CSMD1: variants seen among roughly 807,000 people sequenced by gnomAD.
CSMD1 encodes the protein CUB and sushi domain-containing protein 1.
In CSMD1, 213 loss-of-function variants were observed where a neutral mutation model predicts 417.5. The observed-to-expected ratio is 0.51, with a 90% confidence interval of 0.46 to 0.57. The LOEUF (loss-of-function observed/expected upper bound fraction) is 0.57, where lower values mean the gene tolerates loss of function less well. CSMD1 is among the 20% of genes least tolerant of loss of function. The pLI is 0.00. For synonymous variants in CSMD1, 2,862 were observed against 1,736.8 expected, an observed-to-expected ratio of 1.65 and a Z score of -16.11; for missense variants, 6,923 against 4,529.7, an observed-to-expected ratio of 1.53 and a Z score of -15.17.
intron 18 of CSMD1, among the ~76,000 whole-genome samples, chr8:3,384,565 A>C (rs1369948228): frequency 6.7e-6 from 1 of 150,078 alleles, no homozygotes; most frequent in African/African-American, 2.4e-5. Context: ...ATTCTCAAAA[A>C]TATATTTCGT....
intron 21 of CSMD1, 75 bp from the exon 22 acceptor site, chr8:3,348,236 A>T (rs1189601098): frequency 1.7e-5 from 18 of 1,056,822 alleles, no homozygotes; most frequent in Non-Finnish European, 2.5e-5. Flanking sequence ...AAAACTTTAA[A>T]ATCATGATAG....
At chr8:4,773,626 C>G (rs1186628465) in intron 1 of CSMD1, among the ~76,000 whole-genome samples, 1 of 152,168 alleles carries the variant, frequency 6.6e-6, no homozygotes, top group Non-Finnish European at 1.5e-5. Flanking sequence ...TTTGTCATCT[C>G]CTTTTGGGTT....
chr8:3,595,840 G>A (rs533797160), intron 8 of CSMD1, among the ~76,000 whole-genome samples: 1 of 152,212 alleles, frequency 6.6e-6, no homozygotes, highest in Non-Finnish European at 1.5e-5. Flanking sequence ...AAAGGCAAAA[G>A]CTGTTTGCAC....
intron 1 of CSMD1, among the ~76,000 whole-genome samples, chr8:4,758,465 G>C (rs1451716205): frequency 6.6e-6 from 1 of 152,146 alleles, no homozygotes; most frequent in Non-Finnish European, 1.5e-5. Flanking sequence ...AGCAAGGAAG[G>C]AGCTCAGAAA....
At chr8:4,661,325 T>G (rs1317239897) in intron 1 of CSMD1, among the ~76,000 whole-genome samples, 1 of 152,196 alleles carries the variant, frequency 6.6e-6, no homozygotes, top group African/African-American at 2.4e-5. Context: ...GACTGCTGAC[T>G]GATACATGCC....
intron 9 of CSMD1, among the ~76,000 whole-genome samples, chr8:3,584,921 G>C (rs1800533413): frequency 6.6e-6 from 1 of 152,128 alleles, no homozygotes; most frequent in South Asian, 2.1e-4. Flanking sequence ...AGGGTCTTAT[G>C]TTAGAATTGA....
At chr8:3,915,094 A>T (rs921232943) in intron 5 of CSMD1, among the ~76,000 whole-genome samples, 1 of 152,102 alleles carries the variant, frequency 6.6e-6, no homozygotes, top group African/African-American at 2.4e-5. Flanking sequence ...GAAAAGCCCT[A>T]ATAATGAAGA....
chr8:4,350,720 C>G (rs138622943), intron 3 of CSMD1, among the ~76,000 whole-genome samples: 4 of 152,160 alleles, frequency 2.6e-5, no homozygotes, highest in Admixed American at 6.5e-5. Context: ...TCCTGCTGAC[C>G]AAAAGTCACA....
intron 5 of CSMD1, among the ~76,000 whole-genome samples, chr8:3,962,340 G>A (rs557622027): frequency 5.9e-5 from 9 of 152,096 alleles, no homozygotes; most frequent in Admixed American, 2.6e-4. Flanking sequence ...GCAGGATTAA[G>A]ATCCCAAGTA....
chr8:4,527,862 T>G (rs1796600439), intron 2 of CSMD1, among the ~76,000 whole-genome samples: 1 of 152,172 alleles, frequency 6.6e-6, no homozygotes. Context: ...GAATGACGTC[T>G]TAGTTCTATG....
chr8:4,468,836 A>C (rs180760784), intron 2 of CSMD1, among the ~76,000 whole-genome samples: 57 of 152,276 alleles, frequency 3.7e-4, no homozygotes, highest in African/African-American at 1.3e-3. Context: ...CCCAAACAGC[A>C]ATTGAATTAT....
rs368684088 is a variant in CSMD1, at chr8:4,031,975, G to T, written c.540C>A (p.His180Gln). ...SCLPGYILEG[H>Q]AILTCIVSPG... ...GGCTGACGATGCAGGTCAGGATGGC[G>T]TGGCCTTCCAAGATGTAGCCAGGGA... Residue 180 changes from histidine (H) to glutamine (Q), a missense_variant, in exon 4 of 70, where the codon CAC becomes CAA. His to Gln is a conservative substitution (Grantham distance 24). Transcript: ENST00000635120. The T allele has an allele frequency of 1.9e-6, 3 of 1,613,910 alleles. No individual in the cohort carries two copies. Among genetic ancestry groups the T allele is most frequent in the Admixed American group, 1.7e-5 (1 of 60,020 alleles).
chr8:3,029,494 A>G lies in CSMD1; in HGVS notation c.7680T>C (p.Ile2560=). Residue 2560 remains isoleucine, a synonymous_variant, in exon 51 of 70, where the codon ATT becomes ATC. Transcript: ENST00000635120. ...PTCKPVACPS[I]EAQLSEHVIW... ...TGACATGTTCTGAGAGCTGAGCTTC[A>G]ATGCTGGGGCAAGCGACCGCTGGAA... is the stretch of plus-strand genomic sequence containing the variant. The G allele has an allele frequency of 1.9e-6, 3 of 1,600,924 alleles. No homozygotes were observed. The highest frequency in any genetic ancestry group is 2.6e-6 in the Non-Finnish European group (3 of 1,173,614).
intron 21 of CSMD1, among the ~76,000 whole-genome samples, chr8:3,348,692 A>G (rs952307069): frequency 1.3e-5 from 2 of 152,242 alleles, no homozygotes; most frequent in Non-Finnish European, 2.9e-5. Flanking sequence ...CCTCAGCATT[A>G]TGTCTTATAA....
At chr8:4,480,235 G>A (rs904549144) in intron 2 of CSMD1, among the ~76,000 whole-genome samples, 1 of 151,006 alleles carries the variant, frequency 6.6e-6, no homozygotes, top group Admixed American at 6.6e-5. Flanking sequence ...ACTGCTGTAA[G>A]GAAAAAGCAG....
chr8:4,692,398 A>G (rs1806824137), intron 1 of CSMD1, among the ~76,000 whole-genome samples: 1 of 152,188 alleles, frequency 6.6e-6, no homozygotes, highest in Non-Finnish European at 1.5e-5. Flanking sequence ...CCAAACACAT[A>G]TCCCGGTTGC....
intron 30 of CSMD1, among the ~76,000 whole-genome samples, chr8:3,212,988 C>T (rs1001192587): frequency 2.6e-5 from 4 of 151,890 alleles, no homozygotes; most frequent in Admixed American, 2.0e-4. Flanking sequence ...ACCACCACGC[C>T]CAGCTAATTT....
intron 21 of CSMD1, among the ~76,000 whole-genome samples, chr8:3,350,953 A>G (rs760833439): frequency 1.3e-5 from 2 of 152,206 alleles, no homozygotes; most frequent in African/African-American, 2.4e-5. Flanking sequence ...GTTGTAACTG[A>G]TGACCCTGTA....
chr8:3,042,703 GGTTT>G (rs1811184165), intron 50 of CSMD1, among the ~76,000 whole-genome samples: 1 of 152,106 alleles, frequency 6.6e-6, no homozygotes. Context: ...GTACTTCATA[GGTTT>G]GTTATAAGAG....
Sources: allele counts gnomAD v4.1 joint callset (sites outside exome capture counted in the v4.1 genomes callset), GRCh38; gene constraint gnomAD v4.1.1; transcripts MANE v1.5; gene names NCBI Gene and HGNC (gene_info 2026-07-23, HGNC 2026-07-21).